The following DCAF8 variants were observed in gnomAD, a reference collection of about 807,000 sequenced individuals.
The protein encoded by DCAF8 is DDB1- and CUL4-associated factor 8.
A neutral mutation model predicts 68.0 loss-of-function variants in DCAF8; 20 were observed. The ratio of observed to expected loss-of-function variants is 0.29; its 90% CI spans 0.21 to 0.43. DCAF8 has a LOEUF of 0.43. Ranked by LOEUF, DCAF8 falls within the 20% of genes least tolerant of loss-of-function variation. The pLI is 1.00. For synonymous variants in DCAF8, 230 were observed against 276.9 expected (o/e 0.83, Z 1.68); for missense variants, 460 against 771.0 (o/e 0.60, Z 4.78).
intron 2 of DCAF8, among the ~76,000 whole-genome samples, chr1:160,247,649 T>A (rs1656397380): frequency 1.3e-5 from 2 of 152,154 alleles, no homozygotes; most frequent in African/African-American, 4.8e-5. Flanking sequence ...AATCAGAAAA[T>A]TCAAAATCCA....
chr1:160,218,824 A>G, intron 12 of DCAF8, 25 bp downstream of exon 12: 1 of 1,613,632 alleles, frequency 6.2e-7, no homozygotes, highest in South Asian at 1.1e-5. Context: ...CAGAAAGAAA[A>G]TAACTTCTGC....
intron 2 of DCAF8, among the ~76,000 whole-genome samples, chr1:160,252,520 G>A (rs1270821831): frequency 3.3e-5 from 5 of 152,194 alleles, no homozygotes; most frequent in African/African-American, 1.2e-4. Context: ...ACTTTGGCTA[G>A]ATGGTAAGGT....
intron 3 of DCAF8, 78 bp from the exon 4 acceptor site, chr1:160,240,448 C>A (rs1656067269): frequency 7.1e-7 from 1 of 1,405,268 alleles, no homozygotes; most frequent in Non-Finnish European, 9.5e-7. Flanking sequence ...TCTAAGAAAT[C>A]TTCACATCAA....
intron 11 of DCAF8, chr1:160,219,899 A>G (rs1655242335): frequency 6.6e-6 from 1 of 152,250 alleles, no homozygotes; most frequent in South Asian, 2.1e-4. Context: ...AGAGGAACAC[A>G]TAGGAAAGGC....
At chr1:160,236,166 A>G (rs1021433285) in intron 6 of DCAF8, among the ~76,000 whole-genome samples, 5 of 152,200 alleles carry the variant, frequency 3.3e-5, no homozygotes, top group Non-Finnish European at 7.3e-5. Flanking sequence ...TAAGAGCAAT[A>G]AAAATGAAAA....
chr1:160,236,969 C>T (rs1655919110), intron 6 of DCAF8, among the ~76,000 whole-genome samples, 166 bp downstream of exon 6: 1 of 152,106 alleles, frequency 6.6e-6, no homozygotes, highest in African/African-American at 2.4e-5. Flanking sequence ...TATTTCACTA[C>T]TGAGAAAGAG....
chr1:160,230,209 G>C (rs1310723467), intron 7 of DCAF8, among the ~76,000 whole-genome samples: 1 of 152,110 alleles, frequency 6.6e-6, no homozygotes, highest in Non-Finnish European at 1.5e-5. Context: ...TTAATAAAAT[G>C]AATCTGGAAA....
intron 3 of DCAF8, among the ~76,000 whole-genome samples, chr1:160,240,913 C>T (rs1656089109): frequency 6.6e-6 from 1 of 152,090 alleles, no homozygotes; most frequent in Non-Finnish European, 1.5e-5. Flanking sequence ...GCCTGTAATC[C>T]CAGCACTTTG....
intron 2 of DCAF8, among the ~76,000 whole-genome samples, chr1:160,252,687 A>C (rs1184416058): frequency 6.6e-6 from 1 of 152,242 alleles, no homozygotes; most frequent in East Asian, 1.9e-4. Context: ...TGCCAAGATA[A>C]GAAGTAATGA....
At chr1:160,226,040 C>T (rs924459189) in intron 7 of DCAF8, among the ~76,000 whole-genome samples, 17 of 152,176 alleles carry the variant, frequency 1.1e-4, no homozygotes, top group African/African-American at 2.9e-4. Context: ...GACAGAGTTT[C>T]ATCTGTTGGC....
chr1:160,246,210 T>C (rs999022331), intron 2 of DCAF8, among the ~76,000 whole-genome samples: 5 of 152,042 alleles, frequency 3.3e-5, no homozygotes, highest in Admixed American at 6.6e-5. Flanking sequence ...GAAGAACAGA[T>C]CTGATGTTTT....
chr1:160,218,030 A>C, intron 13 of DCAF8: 2 of 498,278 alleles, frequency 4.0e-6, no homozygotes, highest in Non-Finnish European at 7.1e-6. Flanking sequence ...AAGAGGAAAA[A>C]TAGAAGGGTC....
At chr1:160,233,145 TA>T (rs1655749480) in intron 6 of DCAF8, among the ~76,000 whole-genome samples, 1 of 152,246 alleles carries the variant, frequency 6.6e-6, no homozygotes, top group Non-Finnish European at 1.5e-5. Flanking sequence ...AGTTTCTTTG[TA>T]AAGAAATGAT....
chr1:160,239,576 G>A (rs1571097087), intron 4 of DCAF8, 121 bp downstream of exon 4: 1 of 1,599,916 alleles, frequency 6.3e-7, no homozygotes, highest in East Asian at 2.2e-5. Flanking sequence ...CCAAAGTAGG[G>A]CCATGTCCCG....
At chr1:160,232,123 T>C (rs563726852) in intron 6 of DCAF8, among the ~76,000 whole-genome samples, 53 of 151,790 alleles carry the variant, frequency 3.5e-4, no homozygotes, top group African/African-American at 1.3e-3. Context: ...GGGAAGAGAA[T>C]CACTTGAGCC....
Sources: allele counts gnomAD v4.1 joint callset (sites outside exome capture counted in the v4.1 genomes callset), GRCh38; gene constraint gnomAD v4.1.1; transcripts MANE v1.5; gene names NCBI Gene and HGNC (gene_info 2026-07-23, HGNC 2026-07-21).